Variants in POU2AF2 observed in about 807,000 individuals in gnomAD.
POU2AF2 encodes the protein POU domain class 2-associating factor 2.
At chr11:111,272,708 A>T in the POU2AF2 span, among the ~76,000 whole-genome samples, 1 of 152,218 alleles carries the variant, frequency 6.6e-6, no homozygotes. Context: ...AATAGAATCT[A>T]TGTCTTACTC....
the POU2AF2 span, among the ~76,000 whole-genome samples, chr11:111,260,983 T>C: frequency 6.6e-6 from 1 of 152,244 alleles, no homozygotes; most frequent in African/African-American, 2.4e-5. Flanking sequence ...AACATCTGTT[T>C]TTGATACCAT....
chr11:111,253,487 C>G, the POU2AF2 span, among the ~76,000 whole-genome samples: 5 of 152,134 alleles, frequency 3.3e-5, no homozygotes, highest in Non-Finnish European at 5.9e-5. Flanking sequence ...TTGAGATTCA[C>G]CCTTGAATCT....
chr11:111,249,239 C>A, the POU2AF2 span, among the ~76,000 whole-genome samples: 3 of 151,962 alleles, frequency 2.0e-5, no homozygotes, highest in Admixed American at 6.6e-5. Flanking sequence ...TAAATAGACA[C>A]AATGCACAGG....
At chr11:111,263,289 C>T in the POU2AF2 span, among the ~76,000 whole-genome samples, 1 of 152,016 alleles carries the variant, frequency 6.6e-6, no homozygotes, top group Non-Finnish European at 1.5e-5. Flanking sequence ...ATATTTAAAT[C>T]CTAATCTCAT....
the POU2AF2 span, among the ~76,000 whole-genome samples, chr11:111,252,029 G>A: frequency 2.6e-5 from 4 of 152,190 alleles, no homozygotes. Flanking sequence ...TACACATAAA[G>A]TATAGATTGC....
chr11:111,276,443 A>AAAG, the POU2AF2 span, among the ~76,000 whole-genome samples: 3,775 of 24,036 alleles, frequency 0.16, 115 homozygotes, highest in Non-Finnish European at 0.27. Flanking sequence ...TAAAAAGAAA[A>AAAG]AAAAAAAAAA....
the POU2AF2 span, chr11:111,286,313 C>A: frequency 2.6e-6 from 1 of 377,702 alleles, no homozygotes; most frequent in Non-Finnish European, 4.6e-6. Flanking sequence ...CTGTTGTAAC[C>A]CATTACGTTC....
chr11:111,279,679 C>T, the POU2AF2 span, among the ~76,000 whole-genome samples: 2 of 152,122 alleles, frequency 1.3e-5, no homozygotes, highest in Non-Finnish European at 2.9e-5. Context: ...ATGACCTCAT[C>T]TTAATTTAAG....
chr11:111,272,309 C>T, the POU2AF2 span, among the ~76,000 whole-genome samples: 1 of 152,134 alleles, frequency 6.6e-6, no homozygotes, highest in African/African-American at 2.4e-5. Context: ...CACCCCCATA[C>T]CTGCACTAAA....
chr11:111,284,966 AG>A, the POU2AF2 span, among the ~76,000 whole-genome samples: 1 of 152,216 alleles, frequency 6.6e-6, no homozygotes, highest in African/African-American at 2.4e-5. Context: ...CTCTAAAGAC[AG>A]GAGTTTAGAC....
the POU2AF2 span, among the ~76,000 whole-genome samples, chr11:111,275,587 C>T: frequency 6.6e-6 from 1 of 151,882 alleles, no homozygotes; most frequent in Non-Finnish European, 1.5e-5. Context: ...TTCAGGACCC[C>T]AGATCTTCAC....
At chr11:111,245,830 G>A in the POU2AF2 span, 1 of 398,860 alleles carries the variant, frequency 2.5e-6, no homozygotes. Flanking sequence ...CTGTTAAGAA[G>A]GAAATCCACC....
the POU2AF2 span, among the ~76,000 whole-genome samples, chr11:111,247,061 A>G: frequency 6.6e-6 from 1 of 151,934 alleles, no homozygotes; most frequent in African/African-American, 2.4e-5. Flanking sequence ...AGATCATGCA[A>G]TATTTTTCTT....
the POU2AF2 span, among the ~76,000 whole-genome samples, chr11:111,268,602 C>T: frequency 0.61 from 86,141 of 140,916 alleles, 28,924 homozygotes; most frequent in South Asian, 0.81. Context: ...GGCATGATCT[C>T]GGCCCACTGC....
chr11:111,277,588 G>A, the POU2AF2 span, among the ~76,000 whole-genome samples: 2 of 152,248 alleles, frequency 1.3e-5, no homozygotes, highest in African/African-American at 2.4e-5. Flanking sequence ...ATAAATAAAT[G>A]GCTAACATGC....
chr11:111,266,841 AG>A, the POU2AF2 span, among the ~76,000 whole-genome samples: 1 of 152,190 alleles, frequency 6.6e-6, no homozygotes, highest in African/African-American at 2.4e-5. Flanking sequence ...ATTTGGAACT[AG>A]GTTTGTGGGA....
the POU2AF2 span, among the ~76,000 whole-genome samples, chr11:111,254,749 AC>A: frequency 6.6e-6 from 1 of 152,210 alleles, no homozygotes; most frequent in Non-Finnish European, 1.5e-5. Context: ...TACAAATTCA[AC>A]CAGATTAGAG....
the POU2AF2 span, among the ~76,000 whole-genome samples, chr11:111,274,089 G>A: frequency 1.6e-4 from 25 of 152,252 alleles, no homozygotes; most frequent in Middle Eastern, 6.8e-3. Flanking sequence ...TTCCCTTCAC[G>A]TAGGAAATGA....
the POU2AF2 span, among the ~76,000 whole-genome samples, chr11:111,264,545 AAAG>A: frequency 1.4e-5 from 1 of 69,176 alleles, no homozygotes; most frequent in Non-Finnish European, 3.0e-5. Context: ...AGAAAGAAAG[AAAG>A]AAAGAAAGAA....
Sources: gnomAD v4.1 joint callset for allele counts (sites outside exome capture counted in the v4.1 genomes callset) on GRCh38, gnomAD v4.1.1 for gene constraint, MANE v1.5 for transcripts, NCBI Gene and HGNC (gene_info 2026-07-23, HGNC 2026-07-21) for gene names.